DGKB: variants seen among roughly 807,000 people sequenced by gnomAD.
The protein encoded by DGKB is 90 kDa diacylglycerol kinase.
DGKB carries 67 observed loss-of-function variants against 114.3 expected under a neutral mutation model. The ratio of observed to expected loss-of-function variants is 0.59; its 90% CI spans 0.48 to 0.72. The LOEUF (loss-of-function observed/expected upper bound fraction) is 0.72. DGKB is among the 30% of genes least tolerant of loss of function. DGKB has a pLI of 0.00. For missense variants in DGKB, 907 were observed against 975.2 expected (o/e 0.93, Z 0.93); for synonymous variants, 398 against 323.1 (o/e 1.23, Z -2.49).
chr7:14,350,489 G>A (rs1470602411), intron 21 of DGKB, among the ~76,000 whole-genome samples: 1 of 151,904 alleles, frequency 6.6e-6, no homozygotes, highest in Non-Finnish European at 1.5e-5. Context: ...TTCTAACAAA[G>A]ATGCAACATA....
At chr7:14,554,288 G>A (rs980004682) in intron 20 of DGKB, among the ~76,000 whole-genome samples, 5 of 152,058 alleles carry the variant, frequency 3.3e-5, no homozygotes, top group African/African-American at 9.7e-5. Flanking sequence ...TAAAAGTCCC[G>A]AACAACTCCT....
chr7:14,257,185 A>G (rs1240127140), intron 23 of DGKB, among the ~76,000 whole-genome samples: 1 of 152,126 alleles, frequency 6.6e-6, no homozygotes, highest in African/African-American at 2.4e-5. Flanking sequence ...AAATAAAAAA[A>G]TTTATTCTGT....
intron 1 of DGKB, among the ~76,000 whole-genome samples, chr7:14,936,876 C>G (rs907139176): frequency 9.9e-5 from 15 of 152,160 alleles, no homozygotes; most frequent in African/African-American, 3.4e-4. Context: ...AGTGGTGACA[C>G]TTGGAGGGGA....
At chr7:14,153,366 A>G (rs1317776518) in intron 25 of DGKB, among the ~76,000 whole-genome samples, 1 of 152,058 alleles carries the variant, frequency 6.6e-6, no homozygotes, top group East Asian at 1.9e-4. Context: ...TTCTTTCAGG[A>G]ATTCTTGTAC....
chr7:14,892,196 T>C (rs1587246078), intron 1 of DGKB, among the ~76,000 whole-genome samples: 1 of 151,278 alleles, frequency 6.6e-6, no homozygotes, highest in African/African-American at 2.4e-5. Context: ...GTGTATCTCA[T>C]GATTTCAAAG....
chr7:14,682,052 T>C (rs1473385255), intron 12 of DGKB, among the ~76,000 whole-genome samples: 1 of 94,872 alleles, frequency 1.1e-5, no homozygotes, highest in African/African-American at 5.4e-5. Flanking sequence ...ACAATCTGCT[T>C]AACTTTTTTG....
chr7:14,280,403 T>C (rs1278589173), intron 23 of DGKB, among the ~76,000 whole-genome samples: 2 of 152,130 alleles, frequency 1.3e-5, no homozygotes, highest in East Asian at 1.9e-4. Context: ...CTGAAAGTGA[T>C]GGGGAGAATG....
chr7:14,847,569 T>G (rs542712103), intron 1 of DGKB, among the ~76,000 whole-genome samples: 1 of 152,240 alleles, frequency 6.6e-6, no homozygotes, highest in African/African-American at 2.4e-5. Flanking sequence ...TGCCAGACAC[T>G]GGGGATGTAG....
chr7:14,688,520 C>G (rs1822118044), intron 9 of DGKB, among the ~76,000 whole-genome samples: 1 of 151,990 alleles, frequency 6.6e-6, no homozygotes, highest in African/African-American at 2.4e-5. Context: ...GTGTAACATC[C>G]CAATTTTTCA....
At chr7:14,722,968 C>G (rs1489119364) in intron 5 of DGKB, among the ~76,000 whole-genome samples, 1 of 150,710 alleles carries the variant, frequency 6.6e-6, no homozygotes, top group African/African-American at 2.5e-5. Context: ...TCTATCTCCA[C>G]AGGAGTTATT....
rs151046438 is a variant in DGKB, at chr7:14,660,634, G to A, written c.1134+12295C>T. 4.0e-4 allele frequency among the ~76,000 whole-genome samples: 60 copies of A among 151,476 alleles called. 3 individuals are homozygous for A. The East Asian group carries it at 0.011, about 27-fold the overall frequency. On this transcript the variant is annotated intron_variant, in intron 13 of 25. Coordinates refer to ENST00000402815, the MANE Select transcript of DGKB (RefSeq NM_001350709.2). ...TTTTTTCTTTATTAGTCTTGCTAGC[G>A]GTTTATCAATTTTGATGCCATCCCC...
At chr7:14,496,722 GT>G (rs1021572028) in intron 20 of DGKB, among the ~76,000 whole-genome samples, 18 of 151,832 alleles carry the variant, frequency 1.2e-4, no homozygotes, top group African/African-American at 4.1e-4. Flanking sequence ...TTATTCTAAA[GT>G]TTTTGAAAAC....
chr7:14,621,255 G>GA (rs1358842266), intron 15 of DGKB, 123 bp downstream of exon 15: 7 of 605,708 alleles, frequency 1.2e-5, no homozygotes, highest in African/African-American at 9.7e-5. Context: ...AGATCTTTCT[G>GA]AAAGAGTCTA....
At chr7:14,735,867 A>G (rs1831633650) in intron 5 of DGKB, among the ~76,000 whole-genome samples, 174 bp downstream of exon 5, 1 of 152,236 alleles carries the variant, frequency 6.6e-6, no homozygotes, top group Admixed American at 6.5e-5. Context: ...TTCTCTAATT[A>G]GCTATAATTT....
At chr7:14,353,484 G>T (rs1813860912) in intron 21 of DGKB, among the ~76,000 whole-genome samples, 1 of 152,100 alleles carries the variant, frequency 6.6e-6, no homozygotes, top group South Asian at 2.1e-4. Flanking sequence ...CAGCCTTCTT[G>T]CCCCTATGAA....
intron 2 of DGKB, among the ~76,000 whole-genome samples, chr7:14,818,860 C>A (rs368418614): frequency 6.6e-6 from 1 of 152,092 alleles, no homozygotes. Context: ...AGAGAAAAAA[C>A]GATAGAGAGG....
At chr7:14,604,703 T>C (rs1804161596) in intron 17 of DGKB, among the ~76,000 whole-genome samples, 1 of 152,132 alleles carries the variant, frequency 6.6e-6, no homozygotes, top group Non-Finnish European at 1.5e-5. Context: ...TAGGACACTC[T>C]TAGCATGATC....
intron 23 of DGKB, among the ~76,000 whole-genome samples, chr7:14,211,586 A>G (rs34252171): frequency 0.041 from 10 of 246 alleles, 2 homozygotes; most frequent in Non-Finnish European, 0.044. Context: ...ATTTACTCTC[A>G]TGTTTTGTGA....
chr7:14,448,054 T>G (rs1472284800), intron 21 of DGKB, among the ~76,000 whole-genome samples: 1 of 152,134 alleles, frequency 6.6e-6, no homozygotes, highest in African/African-American at 2.4e-5. Context: ...TCATTAGTTT[T>G]CTCATTCTCC....
Sources: allele counts gnomAD v4.1 joint callset (sites outside exome capture counted in the v4.1 genomes callset), GRCh38; gene constraint gnomAD v4.1.1; transcripts MANE v1.5; gene names NCBI Gene and HGNC (gene_info 2026-07-23, HGNC 2026-07-21).